The following TNR variants were observed in gnomAD, a reference collection of about 807,000 sequenced individuals.
The protein encoded by TNR is tenascin R, also known as tenascin-R.
TNR carries 45 observed loss-of-function variants against 150.4 expected under a neutral mutation model. That is an observed-to-expected ratio of 0.30 (90% CI 0.24 to 0.38). The LOEUF (loss-of-function observed/expected upper bound fraction) is 0.38, where lower values mean the gene tolerates loss of function less well. Ranked by LOEUF, TNR falls within the 10% of genes least tolerant of loss-of-function variation. The pLI is 1.00. For synonymous variants in TNR, 687 were observed against 678.4 expected, an observed-to-expected ratio of 1.01 and a Z score of -0.20; for missense variants, 1,544 against 1,759.1, an observed-to-expected ratio of 0.88 and a Z score of 2.19.
At chr1:175,454,203 C>T (rs1036093439) in intron 2 of TNR, among the ~76,000 whole-genome samples, 8 of 152,176 alleles carry the variant, frequency 5.3e-5, no homozygotes, top group South Asian at 2.1e-4. Flanking sequence ...ATGTCTTCCA[C>T]GCTTCTTGCC....
intron 1 of TNR, among the ~76,000 whole-genome samples, chr1:175,558,069 C>G (rs1343996916): frequency 8.4e-6 from 1 of 118,956 alleles, no homozygotes; most frequent in Non-Finnish European, 1.7e-5. Flanking sequence ...GGGAATTGAA[C>G]AATGAGATCA....
At chr1:175,661,570 C>T (rs542973622) in intron 1 of TNR, among the ~76,000 whole-genome samples, 1 of 152,196 alleles carries the variant, frequency 6.6e-6, no homozygotes, top group East Asian at 1.9e-4. Context: ...GAAGAGGCCT[C>T]CCGCTGCTTG....
chr1:175,623,580 A>G (rs1036803127), intron 1 of TNR, among the ~76,000 whole-genome samples: 2 of 152,012 alleles, frequency 1.3e-5, no homozygotes, highest in Non-Finnish European at 1.5e-5. Flanking sequence ...ACTAACCTCT[A>G]CCTAACCAGG....
At chr1:175,490,958 T>C (rs1167609300) in intron 2 of TNR, among the ~76,000 whole-genome samples, 1 of 152,178 alleles carries the variant, frequency 6.6e-6, no homozygotes, top group Non-Finnish European at 1.5e-5. Context: ...AGCAAAGACA[T>C]ATAATTAACC....
In TNR at chr1:175,461,635, G is replaced by A. The variant is rs148912770; in HGVS notation, c.-63-54858C>T. ...TCGATTTCTTTCTGTGACATCTCTT[G>A]GAAAATCTTACTTCTTCATATTTTC... On this transcript the variant is annotated intron_variant, in intron 2 of 22. Coordinates refer to ENST00000367674, the MANE Select transcript of TNR (RefSeq NM_003285.3). 2.9e-4 allele frequency among the ~76,000 whole-genome samples: 44 copies of A among 152,130 alleles called. No individual in the cohort carries two copies. The East Asian group carries it at 7.9e-3, about 27-fold the overall frequency.
chr1:175,700,457 G>C (rs1666657455), intron 1 of TNR, among the ~76,000 whole-genome samples: 1 of 152,224 alleles, frequency 6.6e-6, no homozygotes, highest in Non-Finnish European at 1.5e-5. Context: ...TCTGGGTGCT[G>C]AGATCGTCTT....
chr1:175,739,706 T>A (rs1482155436), intron 1 of TNR, among the ~76,000 whole-genome samples: 2 of 152,178 alleles, frequency 1.3e-5, no homozygotes, highest in African/African-American at 4.8e-5. Flanking sequence ...GTTCTAAATT[T>A]ACTCTTAAAT....
chr1:175,322,277 G>C lies in TNR; in HGVS notation c.*1080C>G, dbSNP rs1649096570. 6.6e-6 allele frequency: 1 copy of C among 152,266 alleles called. No individual in the cohort carries two copies. The highest frequency in any genetic ancestry group is 2.1e-4 in the South Asian group (1 of 4,836). 9.4% of individuals were successfully genotyped at this position (152,266 alleles called of 1,614,324 possible). On this transcript the variant is annotated 3_prime_UTR_variant, in exon 23 of 23. Coordinates refer to ENST00000367674, the MANE Select transcript of TNR (RefSeq NM_003285.3). ...GATGACTCACAGGCACATAGCCACT[G>C]TGCCACCCAGGGCCAGGAGCAGGCA...
At chr1:175,344,088 G>T (rs1003366080) in intron 18 of TNR, among the ~76,000 whole-genome samples, 1 of 152,198 alleles carries the variant, frequency 6.6e-6, no homozygotes, top group African/African-American at 2.4e-5. Context: ...TCAAGGGCCT[G>T]CTTACAAAGT....
intron 21 of TNR, among the ~76,000 whole-genome samples, chr1:175,326,182 G>A (rs1214202555): frequency 1.3e-5 from 2 of 152,106 alleles, no homozygotes; most frequent in Non-Finnish European, 2.9e-5. Context: ...GGGGGCTCAG[G>A]TAAATTGTGT....
chr1:175,696,904 C>A (rs519395), intron 1 of TNR, among the ~76,000 whole-genome samples: 84 of 149,970 alleles, frequency 5.6e-4, no homozygotes, highest in Non-Finnish European at 9.9e-4. Context: ...AAAAGAATAT[C>A]ATAATTTTAA....
At chr1:175,394,523 C>A (rs1173729035) in intron 5 of TNR, among the ~76,000 whole-genome samples, 1 of 152,186 alleles carries the variant, frequency 6.6e-6, no homozygotes, top group Non-Finnish European at 1.5e-5. Flanking sequence ...CCCACCACCC[C>A]TTCTCCCCCA....
intron 2 of TNR, among the ~76,000 whole-genome samples, chr1:175,507,778 A>G (rs865187): frequency 0.019 from 2,823 of 152,162 alleles, 93 homozygotes; most frequent in African/African-American, 0.064. Flanking sequence ...CACCTCCAAC[A>G]TGTTTTCATG....
chr1:175,639,511 A>T (rs1664587885), intron 1 of TNR, among the ~76,000 whole-genome samples: 1 of 152,116 alleles, frequency 6.6e-6, no homozygotes, highest in Non-Finnish European at 1.5e-5. Flanking sequence ...TCCTTTTTCA[A>T]ACCTACACTG....
chr1:175,514,784 A>T (rs955733793), intron 2 of TNR, among the ~76,000 whole-genome samples: 13 of 152,210 alleles, frequency 8.5e-5, no homozygotes, highest in African/African-American at 2.9e-4. Flanking sequence ...GCACAGCATG[A>T]TAAATGCCAG....
intron 20 of TNR, chr1:175,333,469 A>G (rs1650052042): frequency 6.6e-6 from 1 of 152,218 alleles, no homozygotes; most frequent in Non-Finnish European, 1.5e-5. Flanking sequence ...AATATTTTTC[A>G]ATTTGTTTGA....
chr1:175,640,093 A>C (rs903593983), intron 1 of TNR, among the ~76,000 whole-genome samples: 9 of 152,244 alleles, frequency 5.9e-5, no homozygotes, highest in Admixed American at 1.3e-4. Flanking sequence ...AGTTACATAA[A>C]GCTTCTTGCA....
intron 8 of TNR, among the ~76,000 whole-genome samples, chr1:175,383,717 G>A (rs1018470299): frequency 6.6e-5 from 10 of 152,208 alleles, no homozygotes; most frequent in African/African-American, 2.2e-4. Context: ...AATTTAAGCG[G>A]AGCTCTGAAA....
chr1:175,630,914 A>T (rs529372782), intron 1 of TNR, among the ~76,000 whole-genome samples: 1 of 152,328 alleles, frequency 6.6e-6, no homozygotes, highest in Non-Finnish European at 1.5e-5. Context: ...GTCTATCCAG[A>T]CTGGTCATCC....
Sources: allele counts gnomAD v4.1 joint callset (sites outside exome capture counted in the v4.1 genomes callset), GRCh38; gene constraint gnomAD v4.1.1; transcripts MANE v1.5; gene names NCBI Gene and HGNC (gene_info 2026-07-23, HGNC 2026-07-21).